Variants in CAPZA1 observed in about 807,000 individuals in gnomAD.
CAPZA1 encodes the protein F-actin-capping protein subunit alpha-1.
A neutral mutation model predicts 40.8 loss-of-function variants in CAPZA1; 10 were observed. The ratio of observed to expected loss-of-function variants is 0.25; its 90% CI spans 0.15 to 0.42. The LOEUF (loss-of-function observed/expected upper bound fraction) is 0.42. Ranked by LOEUF, CAPZA1 falls within the 10% of genes least tolerant of loss-of-function variation. The probability of loss-of-function intolerance (pLI) is 1.00; values close to 1 mark genes in which losing one functional copy is unlikely to be tolerated. For missense variants in CAPZA1, 277 were observed against 353.8 expected (o/e 0.78, Z 1.74); for synonymous variants, 98 against 115.0 (o/e 0.85, Z 0.95).
chr1:112,655,474 CTCA>C (rs1671477541), intron 5 of CAPZA1, among the ~76,000 whole-genome samples: 3 of 135,396 alleles, frequency 2.2e-5, no homozygotes, highest in Non-Finnish European at 3.2e-5. Context: ...GAGACACTGT[CTCA>C]AAAAAACAAA....
intron 1 of CAPZA1, 154 bp downstream of exon 1, chr1:112,620,037 G>A: frequency 1.6e-6 from 1 of 614,430 alleles, no homozygotes; most frequent in Non-Finnish European, 2.8e-6. Context: ...TTCCCTCTTA[G>A]GGGGCTTTCC....
Position 112,647,210 on chromosome 1 carries a change from G to T in CAPZA1, c.40G>T (p.Val14Leu). ...FDDRVSDEEK[V>L]RIAAKFITHA... is the part of the protein sequence containing the mutation. ...AAGTGTAAATTTTGTTTCTCTTTAG[G>T]TACGCATAGCTGCTAAATTCATCAC... The change falls in exon 2 of 10, where the codon GTA becomes TTA. Residue 14 changes from valine to leucine, a missense_variant and splice_region_variant. Transcript: ENST00000263168. The T allele has an allele frequency of 1.3e-6, 2 of 1,495,822 alleles. No individual in the cohort carries two copies. Among genetic ancestry groups the T allele is most frequent in the East Asian group, 2.4e-5 (1 of 41,658 alleles). The allele number at this position is 1,495,822 out of a possible 1,614,324, so 92.7% of individuals were successfully genotyped here. A position where few individuals can be genotyped will look rare whatever the true frequency, so the allele number is the denominator to read the frequency against.
chr1:112,647,239 T>C lies in CAPZA1; in HGVS notation c.69T>C (p.His23=), dbSNP rs1203793665. The C allele has an allele frequency of 6.5e-7, 1 of 1,531,540 alleles. No homozygotes were observed. 94.9% of individuals were successfully genotyped at this position (1,531,540 alleles called of 1,614,324 possible). A position where few individuals can be genotyped will look rare whatever the true frequency, so the allele number is the denominator to read the frequency against. ...KVRIAAKFIT[H]APPGEFNEVF... is the part of the protein sequence containing the mutation. ...GCATAGCTGCTAAATTCATCACTCA[T>C]GCACCCCCAGGGGAATTTAATGAAG... The change falls in exon 2 of 10, where the codon CAT becomes CAC. Residue 23 remains histidine, a synonymous_variant. Transcript: ENST00000263168.
At chr1:112,667,208 TTGATCC>T (rs1671741003) in intron 8 of CAPZA1, 63 bp downstream of exon 8, 1 of 1,260,030 alleles carries the variant, frequency 7.9e-7, no homozygotes, top group Admixed American at 2.0e-5. Flanking sequence ...AAAATTAGTT[TTGATCC>T]TGAGTGCTGA....
At chr1:112,645,959 G>A (rs578114800) in intron 1 of CAPZA1, among the ~76,000 whole-genome samples, 39 of 58,220 alleles carry the variant, frequency 6.7e-4, no homozygotes, top group African/African-American at 3.3e-3. Context: ...GCGAGACCCT[G>A]TCTCTTAAAA....
At chr1:112,635,575 G>A (rs935501139) in intron 1 of CAPZA1, among the ~76,000 whole-genome samples, 2 of 144,578 alleles carry the variant, frequency 1.4e-5, no homozygotes, top group African/African-American at 5.2e-5. Flanking sequence ...TTTTTGAGAC[G>A]AGTAGCTGGG....
intron 2 of CAPZA1, among the ~76,000 whole-genome samples, chr1:112,647,478 T>C (rs1229633773): frequency 6.6e-6 from 1 of 152,234 alleles, no homozygotes; most frequent in Non-Finnish European, 1.5e-5. Flanking sequence ...ATAAAGCTCC[T>C]AACCCATAAA....
At chr1:112,632,453 G>GGCA (rs1390593199) in intron 1 of CAPZA1, among the ~76,000 whole-genome samples, 1 of 152,126 alleles carries the variant, frequency 6.6e-6, no homozygotes, top group Non-Finnish European at 1.5e-5. Flanking sequence ...TCATGCTGAA[G>GGCA]GCAGTTCAAA....
At chr1:112,650,695 A>G (rs1226672304) in intron 3 of CAPZA1, among the ~76,000 whole-genome samples, 1 of 152,230 alleles carries the variant, frequency 6.6e-6, no homozygotes, top group African/African-American at 2.4e-5. Context: ...ACCCACAGTA[A>G]ATATGCTCTG....
chr1:112,652,897 GC>G (rs1429465389), intron 3 of CAPZA1, among the ~76,000 whole-genome samples: 2 of 151,726 alleles, frequency 1.3e-5, no homozygotes, highest in Non-Finnish European at 2.9e-5. Context: ...GTAATATTAG[GC>G]ATGTACTTTG....
chr1:112,662,687 T>G (rs1038379588), intron 7 of CAPZA1, among the ~76,000 whole-genome samples: 7 of 152,100 alleles, frequency 4.6e-5, no homozygotes, highest in Non-Finnish European at 8.8e-5. Flanking sequence ...CGTGAGCCAC[T>G]GCGCCTGGCC....
At chr1:112,648,949 G>A (rs1175687074) in intron 2 of CAPZA1, among the ~76,000 whole-genome samples, 1 of 147,996 alleles carries the variant, frequency 6.8e-6, no homozygotes, top group Non-Finnish European at 1.5e-5. Context: ...GGCGACAGGA[G>A]TGAGACTTCG....
At chr1:112,641,760 G>A (rs1204646046) in intron 1 of CAPZA1, among the ~76,000 whole-genome samples, 1 of 151,586 alleles carries the variant, frequency 6.6e-6, no homozygotes, top group Non-Finnish European at 1.5e-5. Context: ...CTTATGGCAC[G>A]TTCCTGTAAT....
At chr1:112,643,004 G>A (rs994566785) in intron 1 of CAPZA1, among the ~76,000 whole-genome samples, 5 of 152,060 alleles carry the variant, frequency 3.3e-5, no homozygotes, top group African/African-American at 1.2e-4. Flanking sequence ...TGACCGAGGA[G>A]TTTTATAATT....
chr1:112,621,805 G>A (rs1220759489), intron 1 of CAPZA1, among the ~76,000 whole-genome samples: 9 of 126,980 alleles, frequency 7.1e-5, no homozygotes, highest in African/African-American at 2.4e-4. Context: ...TCTGTCACCC[G>A]GGGTGGTGTG....
intron 1 of CAPZA1, among the ~76,000 whole-genome samples, chr1:112,639,774 C>G (rs1365863504): frequency 4.6e-5 from 7 of 152,172 alleles, no homozygotes; most frequent in African/African-American, 1.7e-4. Flanking sequence ...GCCGCCCCGT[C>G]CGGGAGGTGA....
intron 1 of CAPZA1, among the ~76,000 whole-genome samples, chr1:112,624,605 CAAAAAA>C (rs34860716): frequency 1.0e-3 from 56 of 55,836 alleles, no homozygotes; most frequent in African/African-American, 2.1e-3. Flanking sequence ...AAAACTCCAT[CAAAAAA>C]AAAAAAAAAA....
chr1:112,636,517 C>T (rs945641008), intron 1 of CAPZA1, among the ~76,000 whole-genome samples: 2 of 152,058 alleles, frequency 1.3e-5, no homozygotes, highest in African/African-American at 2.4e-5. Flanking sequence ...GATAGTCTCC[C>T]TTTAAAATAT....
At chr1:112,653,538 A>G in intron 3 of CAPZA1, 60 bp from the exon 4 acceptor site, 1 of 1,130,538 alleles carries the variant, frequency 8.8e-7, no homozygotes, top group Non-Finnish European at 1.3e-6. Context: ...ATTTACACAT[A>G]ATTCTTTTCT....
Sources: allele counts gnomAD v4.1 joint callset (sites outside exome capture counted in the v4.1 genomes callset), GRCh38; gene constraint gnomAD v4.1.1; transcripts MANE v1.5; gene names NCBI Gene and HGNC (gene_info 2026-07-23, HGNC 2026-07-21).